Variants in NXPH1 observed in about 807,000 individuals in gnomAD.
NXPH1 encodes the protein neurexophilin-1.
In NXPH1, 5 loss-of-function variants were observed where a neutral mutation model predicts 23.7. The ratio of observed to expected loss-of-function variants is 0.21; its 90% CI spans 0.11 to 0.44. The LOEUF (loss-of-function observed/expected upper bound fraction) is 0.44, where lower values mean the gene tolerates loss of function less well. NXPH1 is among the 20% of genes least tolerant of loss of function. NXPH1 has a pLI of 0.99. For missense variants in NXPH1, 324 were observed against 321.6 expected (o/e 1.01, Z -0.06); for synonymous variants, 144 against 122.2 (o/e 1.18, Z -1.18).
chr7:8,471,943 G>A lies in NXPH1; in HGVS notation c.54+36176G>A, dbSNP rs916557879. On this transcript the variant is annotated intron_variant, in intron 2 of 2. Coordinates refer to ENST00000405863, the MANE Select transcript of NXPH1 (RefSeq NM_152745.3). ...ATATTTTTCCTGAGAGAGACATTAC[G>A]GGTAATTTTAATTCATTTATTATTT... is the stretch of plus-strand genomic sequence containing the variant. Among the ~76,000 whole-genome samples the A allele has an allele frequency of 5.3e-5, 8 of 151,606 alleles. No individual in the cohort carries two copies. In the South Asian group the frequency reaches 6.2e-4, roughly 12 times the overall value.
intron 2 of NXPH1, among the ~76,000 whole-genome samples, chr7:8,654,497 A>C (rs192355167): frequency 1.3e-5 from 2 of 152,350 alleles, no homozygotes; most frequent in East Asian, 1.9e-4. Context: ...ATATAGTGTC[A>C]CAATGAGGGA....
At chr7:8,638,966 C>T (rs1204227600) in intron 2 of NXPH1, among the ~76,000 whole-genome samples, 2 of 152,100 alleles carry the variant, frequency 1.3e-5, no homozygotes, top group South Asian at 2.1e-4. Context: ...CCCTCAGTTT[C>T]CTCAACTCCA....
At chr7:8,741,962 C>T (rs888760923) in intron 2 of NXPH1, among the ~76,000 whole-genome samples, 2 of 152,006 alleles carry the variant, frequency 1.3e-5, no homozygotes, top group Non-Finnish European at 2.9e-5. Context: ...GGAAACTAAA[C>T]TCTTGAGATA....
chr7:8,593,998 A>G (rs1819161112), intron 2 of NXPH1, among the ~76,000 whole-genome samples: 1 of 151,272 alleles, frequency 6.6e-6, no homozygotes, highest in African/African-American at 2.5e-5. Flanking sequence ...TAGTTTTTCA[A>G]AATTCTTGTG....
At chr7:8,739,743 G>T (rs1366497496) in intron 2 of NXPH1, among the ~76,000 whole-genome samples, 2 of 152,000 alleles carry the variant, frequency 1.3e-5, no homozygotes, top group African/African-American at 2.4e-5. Context: ...ACACTATAAA[G>T]CTGTACAAAA....
chr7:8,624,119 T>C (rs1039056669), intron 2 of NXPH1, among the ~76,000 whole-genome samples: 1 of 152,274 alleles, frequency 6.6e-6, no homozygotes, highest in African/African-American at 2.4e-5. Context: ...GAGGAGCAGA[T>C]GTGCAGTGAT....
chr7:8,738,418 C>T (rs1208339547), intron 2 of NXPH1, among the ~76,000 whole-genome samples: 3 of 152,158 alleles, frequency 2.0e-5, no homozygotes, highest in Non-Finnish European at 4.4e-5. Flanking sequence ...GAGGTCCACT[C>T]CAGACCCTGT....
In NXPH1 at chr7:8,435,211, A is replaced by C. The variant is rs1301952807; in HGVS notation, c.-110-393A>C. The C allele has an allele frequency of 1.4e-5, 3 of 220,164 alleles. No individual in the cohort carries two copies. Among genetic ancestry groups the C allele is most frequent in the East Asian group, 2.5e-4 (2 of 7,992 alleles). The allele number at this position is 220,164 out of a possible 1,614,324, so 13.6% of individuals were successfully genotyped here. A position where few individuals can be genotyped will look rare whatever the true frequency, so the allele number is the denominator to read the frequency against. On this transcript the variant is annotated intron_variant, in intron 1 of 2. Coordinates refer to ENST00000405863, the MANE Select transcript of NXPH1 (RefSeq NM_152745.3). The surrounding 1 kb of genome is among the most constrained non-coding windows in gnomAD (Gnocchi z 5.9). ...TCTGCTGGTGTGTACGTGTGTGAGCACTGCCAGGGCTGGCGAAGAACCAGC... is the reference window on the plus strand; with the variant it reads ...TCTGCTGGTGTGTACGTGTGTGAGCCCTGCCAGGGCTGGCGAAGAACCAGC...
rs140640162 is a variant in NXPH1 at position 8,556,486 on chromosome 7, C to T, written c.54+120719C>T. 1.0e-3 allele frequency among the ~76,000 whole-genome samples: 159 copies of T among 151,758 alleles called. No homozygotes were observed. The South Asian group carries it at 0.013, about 12-fold the overall frequency. ...GGGCTTTGATTTCTCTTCATGTGGG[C>T]CCCTCCACCAGGTTACTTGTGCTTT... On this transcript the variant is annotated intron_variant, in intron 2 of 2. Coordinates refer to ENST00000405863, the MANE Select transcript of NXPH1 (RefSeq NM_152745.3).
chr7:8,559,613 T>C (rs1818409786), intron 2 of NXPH1, among the ~76,000 whole-genome samples: 1 of 151,742 alleles, frequency 6.6e-6, no homozygotes, highest in African/African-American at 2.4e-5. Context: ...ACATGAGCTT[T>C]TTTCCTCAGT....
At chr7:8,702,372 G>A (rs911720350) in intron 2 of NXPH1, among the ~76,000 whole-genome samples, 7 of 152,022 alleles carry the variant, frequency 4.6e-5, no homozygotes, top group African/African-American at 1.7e-4. Flanking sequence ...TATGTGTTAT[G>A]TTTCACTTAT....
chr7:8,590,326 A>G (rs1819065677), intron 2 of NXPH1, among the ~76,000 whole-genome samples: 1 of 152,100 alleles, frequency 6.6e-6, no homozygotes, highest in South Asian at 2.1e-4. Context: ...TGTTTTAATT[A>G]TGGTTAGCCA....
intron 2 of NXPH1, among the ~76,000 whole-genome samples, chr7:8,534,772 C>A (rs190346306): frequency 6.6e-6 from 1 of 152,184 alleles, no homozygotes; most frequent in East Asian, 1.9e-4. Context: ...GGCATTATCA[C>A]CCCTGATTGA....
At chr7:8,739,189 A>AAAAAAAC (rs1780317841) in intron 2 of NXPH1, among the ~76,000 whole-genome samples, 1 of 149,976 alleles carries the variant, frequency 6.7e-6, no homozygotes, top group Non-Finnish European at 1.5e-5. Context: ...AAAAAAAAAA[A>AAAAAAAC]AAAAAAAAAA....
chr7:8,567,361 A>C (rs1247079504), intron 2 of NXPH1, among the ~76,000 whole-genome samples: 2 of 151,928 alleles, frequency 1.3e-5, no homozygotes, highest in African/African-American at 4.8e-5. Flanking sequence ...GTCTTATAGT[A>C]AATACTGCAC....
chr7:8,633,476 T>C (rs896269395), intron 2 of NXPH1, among the ~76,000 whole-genome samples: 13 of 152,236 alleles, frequency 8.5e-5, no homozygotes, highest in Non-Finnish European at 1.6e-4. Context: ...TTTAGAATTA[T>C]GCGGATGTGA....
At chr7:8,584,857 AT>A (rs1389011580) in intron 2 of NXPH1, among the ~76,000 whole-genome samples, 1 of 152,150 alleles carries the variant, frequency 6.6e-6, no homozygotes, top group Non-Finnish European at 1.5e-5. Context: ...ACAATCTTAC[AT>A]TACTTTGTAC....
chr7:8,618,989 G>A (rs1030456367), intron 2 of NXPH1, among the ~76,000 whole-genome samples: 1 of 152,130 alleles, frequency 6.6e-6, no homozygotes, highest in Admixed American at 6.5e-5. Flanking sequence ...TTTTCAGTTT[G>A]TGTGTTACTA....
chr7:8,697,733 G>A (rs1039949183), intron 2 of NXPH1, among the ~76,000 whole-genome samples: 11 of 152,162 alleles, frequency 7.2e-5, no homozygotes, highest in Non-Finnish European at 1.5e-4. Flanking sequence ...GAAGAAGTCA[G>A]GTAGGATACA....
Sources: gnomAD v4.1 joint callset for allele counts (sites outside exome capture counted in the v4.1 genomes callset) on GRCh38, gnomAD v4.1.1 for gene constraint, Gnocchi (gnomAD v3.1) non-coding constraint, MANE v1.5 for transcripts, NCBI Gene and HGNC (gene_info 2026-07-23, HGNC 2026-07-21) for gene names.